UBE4B: variants seen among roughly 807,000 people sequenced by gnomAD.
The protein encoded by UBE4B is ubiquitination factor E4B, also known as ubiquitin conjugation factor E4 B.
A neutral mutation model predicts 148.1 loss-of-function variants in UBE4B; 27 were observed. The ratio of observed to expected loss-of-function variants is 0.18; its 90% CI spans 0.13 to 0.25. The LOEUF (loss-of-function observed/expected upper bound fraction) is 0.25, where lower values mean the gene tolerates loss of function less well. Ranked by LOEUF, UBE4B falls within the 10% of genes least tolerant of loss-of-function variation. The pLI is 1.00. For synonymous variants in UBE4B, 596 were observed against 619.3 expected, an observed-to-expected ratio of 0.96 and a Z score of 0.56; for missense variants, 1,170 against 1,662.4, an observed-to-expected ratio of 0.70 and a Z score of 5.15.
rs563959367 is a variant in UBE4B, at chr1:10,144,794, G to A, written c.2364-146G>A. On this transcript the variant is annotated intron_variant, in intron 17 of 27. Coordinates refer to ENST00000343090, the MANE Select transcript of UBE4B (RefSeq NM_001105562.3). ...GCTGCCAATTAAACTATGATTTGCC[G>A]CTGGTTGTAAGATATACTCTGATTT... The A allele has an allele frequency of 2.5e-4, 121 of 481,656 alleles. 3 individuals carry two copies. The highest frequency in any genetic ancestry group is 1.7e-3 in the African/African-American group (83 of 50,212). 29.8% of individuals were successfully genotyped at this position (481,656 alleles called of 1,614,324 possible). A position where few individuals can be genotyped will look rare whatever the true frequency, so the allele number is the denominator to read the frequency against.
At chr1:10,063,844 G>C (rs1176539742) in intron 1 of UBE4B, among the ~76,000 whole-genome samples, 1 of 151,614 alleles carries the variant, frequency 6.6e-6, no homozygotes, top group Non-Finnish European at 1.5e-5. Flanking sequence ...GGAGGCAGAG[G>C]TTGCAATGAG....
Position 10,033,058 on chromosome 1 carries a change from C to G in UBE4B, c.-613C>G, listed in dbSNP as rs1643357909. On this transcript the variant is annotated 5_prime_UTR_variant, in exon 1 of 28. Transcript: ENST00000343090. ...GGGGTAGGAGGATTTACTCTTCCAG[C>G]GAGAGCTACGCGCATCCCATCCTCC... is the stretch of plus-strand genomic sequence containing the variant. 1 of 152,264 alleles carries G rather than the reference C, an allele frequency of 6.6e-6. No homozygotes were observed. The highest frequency in any genetic ancestry group is 2.4e-5 in the African/African-American group (1 of 41,450). 9.4% of individuals were successfully genotyped at this position (152,264 alleles called of 1,614,324 possible). A position where few individuals can be genotyped will look rare whatever the true frequency, so the allele number is the denominator to read the frequency against.
At chr1:10,144,886 G>A in intron 17 of UBE4B, 54 bp from the exon 18 acceptor site, 1 of 1,355,660 alleles carries the variant, frequency 7.4e-7, no homozygotes, top group Non-Finnish European at 1.0e-6. Context: ...AAGATGAATG[G>A]GTAAGATGGA....
intron 1 of UBE4B, among the ~76,000 whole-genome samples, chr1:10,045,109 A>G (rs1643886606): frequency 1.3e-5 from 2 of 152,166 alleles, no homozygotes; most frequent in African/African-American, 2.4e-5. Context: ...TCATGCTCCC[A>G]TTCGAATCTA....
chr1:10,044,431 G>A (rs1643874706), intron 1 of UBE4B, among the ~76,000 whole-genome samples: 1 of 152,120 alleles, frequency 6.6e-6, no homozygotes, highest in Admixed American at 6.6e-5. Context: ...ACCAGGGACT[G>A]GTTTCGTAGA....
intron 13 of UBE4B, 43 bp downstream of exon 13, chr1:10,130,659 G>T: frequency 6.2e-7 from 1 of 1,612,662 alleles, no homozygotes; most frequent in Non-Finnish European, 8.5e-7. Context: ...CTTTTATTCA[G>T]ATTCTTTCCC....
chr1:10,083,148 G>C (rs1289441973), intron 2 of UBE4B, among the ~76,000 whole-genome samples: 1 of 152,044 alleles, frequency 6.6e-6, no homozygotes, highest in African/African-American at 2.4e-5. Context: ...ATATTCCTTT[G>C]GGTGTATATA....
Position 10,161,999 on chromosome 1 carries a change from CTTTT to C in UBE4B, c.3198+726_3198+729del, listed in dbSNP as rs764089127. On this transcript the variant is annotated intron_variant, in intron 23 of 27. Transcript: ENST00000343090. The surrounding 1 kb of genome is among the most constrained non-coding windows in gnomAD (Gnocchi z 4.1). ...GGGGACTGCTTTTTCTTCACTTTTT[CTTTT>C]TTTTTTTTTTTTGAGACGGAGTTTC... is the stretch of plus-strand genomic sequence containing the variant. 1.5e-5 allele frequency among the ~76,000 whole-genome samples: 2 copies of C among 137,252 alleles called. No individual in the cohort carries two copies. The highest frequency in any genetic ancestry group is 1.6e-5 in the Non-Finnish European group (1 of 62,930). 90.0% of individuals were successfully genotyped at this position (137,252 alleles called of 152,430 possible). A position where few individuals can be genotyped will look rare whatever the true frequency, so the allele number is the denominator to read the frequency against.
At chr1:10,170,967 G>A in intron 24 of UBE4B, 171 bp from the exon 25 acceptor site, 1 of 581,348 alleles carries the variant, frequency 1.7e-6, no homozygotes, top group Non-Finnish European at 2.9e-6. Flanking sequence ...GAAATGGGGA[G>A]TAAAGTTGAA....
chr1:10,068,370 G>A (rs1437423649), intron 1 of UBE4B, among the ~76,000 whole-genome samples: 10 of 147,316 alleles, frequency 6.8e-5, no homozygotes, highest in Non-Finnish European at 1.5e-4. Context: ...TTTTTTTTGA[G>A]CAGGAGTCTC....
In UBE4B at chr1:10,130,513, G is replaced by A. The variant is rs541907403; in HGVS notation, c.1709G>A (p.Arg570Gln). Reference protein sequence around the residue: ...HPVCNLVASLRLWLPKSLSPG... With the variant: ...HPVCNLVASLQLWLPKSLSPG... ...TCTTCTGCCTAGGTTGCTTCTTTGC[G>A]GTTGTGGTTGCCGAAATCCTTAAGT... The change falls in exon 13 of 28, where the codon CGG becomes CAG. Residue 570 changes from arginine to glutamine, a missense_variant. Arg to Gln is a conservative substitution (Grantham distance 43). Transcript: ENST00000343090. 113 of 1,614,004 alleles carry A rather than the reference G, an allele frequency of 7.0e-5. No individual in the cohort carries two copies. Among genetic ancestry groups the A allele is most frequent in the South Asian group, 4.8e-4 (44 of 91,082 alleles).
At chr1:10,120,008 G>A (rs1168307802) in intron 9 of UBE4B, among the ~76,000 whole-genome samples, 1 of 152,120 alleles carries the variant, frequency 6.6e-6, no homozygotes, top group East Asian at 1.9e-4. Flanking sequence ...CTGTTACTGA[G>A]TAATAAACAA....
At chr1:10,087,047 A>G in intron 2 of UBE4B, among the ~76,000 whole-genome samples, 1 of 152,182 alleles carries the variant, frequency 6.6e-6, no homozygotes, top group East Asian at 1.9e-4. Context: ...AACAAGGCAA[A>G]TCTGTTCTTT....
At chr1:10,033,897 T>TC (rs1358947247) in intron 1 of UBE4B, among the ~76,000 whole-genome samples, 1 of 152,216 alleles carries the variant, frequency 6.6e-6, no homozygotes, top group Admixed American at 6.5e-5. Context: ...CATTCTGAAC[T>TC]CCATTTGCTT....
At chr1:10,095,069 G>A (rs2101873789) in intron 2 of UBE4B, among the ~76,000 whole-genome samples, 1 of 152,328 alleles carries the variant, frequency 6.6e-6, no homozygotes, top group South Asian at 2.1e-4. Flanking sequence ...ATGAGCCACT[G>A]CATCGGCCTG....
At chr1:10,044,321 C>G (rs926939923) in intron 1 of UBE4B, among the ~76,000 whole-genome samples, 3 of 152,106 alleles carry the variant, frequency 2.0e-5, no homozygotes, top group African/African-American at 7.2e-5. Context: ...TCCCAAAGTG[C>G]TAGGATTACA....
At chr1:10,074,046 C>G (rs1385667303) in intron 2 of UBE4B, among the ~76,000 whole-genome samples, 6 of 151,244 alleles carry the variant, frequency 4.0e-5, no homozygotes, top group African/African-American at 1.5e-4. Flanking sequence ...TCAGATGATC[C>G]GTCTGCTTCA....
intron 21 of UBE4B, among the ~76,000 whole-genome samples, chr1:10,157,235 G>A (rs1410516927): frequency 1.3e-5 from 2 of 152,072 alleles, no homozygotes; most frequent in Non-Finnish European, 2.9e-5. Flanking sequence ...TGGCCAGGCT[G>A]GTCTCGAACT....
intron 16 of UBE4B, among the ~76,000 whole-genome samples, chr1:10,136,077 A>C (rs1645677530): frequency 6.6e-6 from 1 of 152,226 alleles, no homozygotes; most frequent in East Asian, 1.9e-4. Context: ...TGGAATCAGT[A>C]GTTTATTAAC....
Sources: gnomAD v4.1 joint callset for allele counts (sites outside exome capture counted in the v4.1 genomes callset) on GRCh38, gnomAD v4.1.1 for gene constraint, Gnocchi (gnomAD v3.1) non-coding constraint, MANE v1.5 for transcripts, NCBI Gene and HGNC (gene_info 2026-07-23, HGNC 2026-07-21) for gene names.